The following TBC1D5 variants were observed in gnomAD, a reference collection of about 807,000 sequenced individuals.
TBC1D5 encodes the protein TBC1 domain family member 5.
A neutral mutation model predicts 100.3 loss-of-function variants in TBC1D5; 75 were observed. The observed-to-expected ratio is 0.75, with a 90% CI of 0.62 to 0.91. The LOEUF (loss-of-function observed/expected upper bound fraction) is 0.91. Among genes scored for constraint, TBC1D5 ranks in the 40% least tolerant of loss-of-function variants. The probability of loss-of-function intolerance (pLI) is 0.00; values close to 1 mark genes in which losing one functional copy is unlikely to be tolerated. For synonymous variants in TBC1D5, 323 were observed against 325.6 expected, an observed-to-expected ratio of 0.99 and a Z score of 0.09; for missense variants, 910 against 942.4, an observed-to-expected ratio of 0.97 and a Z score of 0.45.
Position 17,503,457 on chromosome 3 carries a change from T to C in TBC1D5, c.97+5017A>G, listed in dbSNP as rs143600737. Among the ~76,000 whole-genome samples, 131 of 149,726 alleles carry C rather than the reference T, an allele frequency of 8.7e-4. 3 individuals carry two copies. The highest frequency in any genetic ancestry group is 1.6e-3 in the Non-Finnish European group (106 of 67,946). ...CACCCCCAAATCTGGCTACTAGTCA[T>C]AAACACCATGGTATCTTTTTCAATG... On this transcript the variant is annotated intron_variant, in intron 3 of 21. Transcript: ENST00000253692.
At chr3:17,453,316 G>T (rs1419127830) in intron 3 of TBC1D5, among the ~76,000 whole-genome samples, 2 of 151,080 alleles carry the variant, frequency 1.3e-5, no homozygotes, top group Non-Finnish European at 3.0e-5. Flanking sequence ...ATGAAGATCA[G>T]ATCAGAAATA....
At chr3:17,683,520 T>C (rs2069796366) in intron 1 of TBC1D5, among the ~76,000 whole-genome samples, 1 of 146,570 alleles carries the variant, frequency 6.8e-6, no homozygotes, top group Admixed American at 6.7e-5. Context: ...GACTAAATGT[T>C]ATACAAAACG....
chr3:17,491,489 A>G (rs1404700280), intron 3 of TBC1D5, among the ~76,000 whole-genome samples: 1 of 152,086 alleles, frequency 6.6e-6, no homozygotes, highest in Non-Finnish European at 1.5e-5. Flanking sequence ...TGTTCCTTCA[A>G]TGTCTAGTTG....
intron 2 of TBC1D5, among the ~76,000 whole-genome samples, chr3:17,595,136 G>A (rs2060482836): frequency 6.6e-6 from 1 of 152,114 alleles, no homozygotes; most frequent in South Asian, 2.1e-4. Context: ...CAAGTTCTTG[G>A]TTTTAGAACT....
intron 3 of TBC1D5, among the ~76,000 whole-genome samples, chr3:17,507,468 A>T (rs949401301): frequency 6.6e-6 from 1 of 152,182 alleles, no homozygotes; most frequent in Non-Finnish European, 1.5e-5. Flanking sequence ...AAAAGCATAA[A>T]AATTCTGCAT....
intron 15 of TBC1D5, among the ~76,000 whole-genome samples, chr3:17,289,036 G>A (rs1411042229): frequency 6.6e-6 from 1 of 152,174 alleles, no homozygotes; most frequent in Non-Finnish European, 1.5e-5. Flanking sequence ...ATCCCCTCTG[G>A]GGCTTCGGGG....
chr3:17,575,577 G>A (rs1430454375), intron 2 of TBC1D5, among the ~76,000 whole-genome samples: 3 of 152,060 alleles, frequency 2.0e-5, no homozygotes, highest in Non-Finnish European at 4.4e-5. Flanking sequence ...CAAGGAAAGG[G>A]ATGGCTGAAA....
intron 13 of TBC1D5, among the ~76,000 whole-genome samples, chr3:17,353,653 G>A (rs190409717): frequency 2.0e-5 from 3 of 152,004 alleles, no homozygotes; most frequent in Admixed American, 2.0e-4. Flanking sequence ...AAGCCAAAAG[G>A]TTAAGATTCT....
chr3:17,446,519 C>A (rs1331189653), intron 3 of TBC1D5, among the ~76,000 whole-genome samples: 1 of 151,530 alleles, frequency 6.6e-6, no homozygotes, highest in Non-Finnish European at 1.5e-5. Context: ...CAATTTTGGA[C>A]AAGCTGAGTC....
At chr3:17,250,285 TGCTC>T (rs1446716392) in intron 16 of TBC1D5, among the ~76,000 whole-genome samples, 9 of 152,380 alleles carry the variant, frequency 5.9e-5, no homozygotes, top group African/African-American at 2.2e-4. Flanking sequence ...CTAATCTTGC[TGCTC>T]ATCTCCTAAC....
At chr3:17,709,879 C>T (rs1416536016) in intron 1 of TBC1D5, among the ~76,000 whole-genome samples, 1 of 151,868 alleles carries the variant, frequency 6.6e-6, no homozygotes, top group African/African-American at 2.4e-5. Flanking sequence ...ATAAGAATAC[C>T]CAGGCAGGCT....
intron 13 of TBC1D5, among the ~76,000 whole-genome samples, chr3:17,321,811 T>C (rs933012059): frequency 6.6e-6 from 1 of 152,224 alleles, no homozygotes; most frequent in Non-Finnish European, 1.5e-5. Flanking sequence ...ATTTCTACTG[T>C]GTTAAAATTT....
intron 3 of TBC1D5, among the ~76,000 whole-genome samples, chr3:17,497,643 A>C (rs543816193): frequency 8.3e-4 from 126 of 152,358 alleles, no homozygotes; most frequent in African/African-American, 2.9e-3. Context: ...GCTTGGCTAA[A>C]ATCAGTCCTA....
intron 18 of TBC1D5, among the ~76,000 whole-genome samples, chr3:17,196,914 A>C (rs1376813385): frequency 1.3e-5 from 2 of 152,226 alleles, no homozygotes; most frequent in African/African-American, 2.4e-5. Flanking sequence ...CATAACCCGA[A>C]GTTCACATTT....
At chr3:17,398,055 A>G (rs1483929355) in intron 8 of TBC1D5, among the ~76,000 whole-genome samples, 1 of 152,186 alleles carries the variant, frequency 6.6e-6, no homozygotes, top group Admixed American at 6.5e-5. Flanking sequence ...TCTAATATGG[A>G]AATGATATTT....
chr3:17,393,994 A>C (rs1402319615), intron 8 of TBC1D5, among the ~76,000 whole-genome samples: 1 of 152,166 alleles, frequency 6.6e-6, no homozygotes, highest in African/African-American at 2.4e-5. Context: ...TAAACTAAAG[A>C]GCTTCTGCAC....
At chr3:17,501,542 C>T (rs1306394126) in intron 3 of TBC1D5, among the ~76,000 whole-genome samples, 1 of 149,124 alleles carries the variant, frequency 6.7e-6, no homozygotes, top group Non-Finnish European at 1.5e-5. Flanking sequence ...ACTGCTCCCA[C>T]ATTCCCTTCA....
chr3:17,189,762 ATTACCATGGTCC>A (rs2125605633), intron 18 of TBC1D5, among the ~76,000 whole-genome samples: 1 of 152,270 alleles, frequency 6.6e-6, no homozygotes, highest in African/African-American at 2.4e-5. Context: ...CCTATGCTCC[ATTACCATGGTCC>A]TTCCCATGAA....
chr3:17,284,483 T>C (rs139102010), intron 15 of TBC1D5, among the ~76,000 whole-genome samples: 174 of 152,326 alleles, frequency 1.1e-3, no homozygotes, highest in African/African-American at 4.0e-3. Context: ...TAATTGTTTA[T>C]TATGGTAAGA....
Sources: gnomAD v4.1 joint callset for allele counts (sites outside exome capture counted in the v4.1 genomes callset) on GRCh38, gnomAD v4.1.1 for gene constraint, MANE v1.5 for transcripts, NCBI Gene and HGNC (gene_info 2026-07-23, HGNC 2026-07-21) for gene names.